The following UBR3 variants were observed in gnomAD, a reference collection of about 807,000 sequenced individuals.
UBR3 encodes E3 ubiquitin-protein ligase UBR3.
UBR3 carries 85 observed loss-of-function variants against 243.2 expected under a neutral mutation model. The observed-to-expected ratio is 0.35, with a 90% confidence interval of 0.29 to 0.42. The LOEUF is 0.42. Among genes scored for constraint, UBR3 ranks in the 10% least tolerant of loss-of-function variants. The pLI, the probability that UBR3 is intolerant of heterozygous loss-of-function variation, is 1.00. For synonymous variants in UBR3, 748 were observed against 799.8 expected (o/e 0.94, Z 1.09); for missense variants, 1,686 against 2,300.8 (o/e 0.73, Z 5.47).
intron 35 of UBR3, among the ~76,000 whole-genome samples, chr2:170,066,060 T>C (rs536516083): frequency 1.1e-4 from 17 of 152,300 alleles, no homozygotes; most frequent in Admixed American, 2.6e-4. Flanking sequence ...AATGGAATTT[T>C]TGAACATTAA....
At chr2:169,879,477 T>G (rs1263349788) in intron 5 of UBR3, among the ~76,000 whole-genome samples, 1 of 152,158 alleles carries the variant, frequency 6.6e-6, no homozygotes. Flanking sequence ...TTCAAGAATT[T>G]TCATCAGATT....
At chr2:169,867,843 C>T (rs182716465) in intron 1 of UBR3, among the ~76,000 whole-genome samples, 23 of 152,258 alleles carry the variant, frequency 1.5e-4, no homozygotes, top group African/African-American at 4.8e-4. Context: ...TTTTCCCTTT[C>T]GCAGAGTATT....
chr2:169,887,274 A>G (rs965880654), intron 5 of UBR3, among the ~76,000 whole-genome samples: 2 of 152,160 alleles, frequency 1.3e-5, no homozygotes, highest in Non-Finnish European at 2.9e-5. Context: ...AAGGTCTGAA[A>G]AGTTCCTGAG....
At chr2:169,870,133 A>G (rs549897563) in intron 1 of UBR3, among the ~76,000 whole-genome samples, 14 of 152,296 alleles carry the variant, frequency 9.2e-5, no homozygotes, top group Non-Finnish European at 1.8e-4. Flanking sequence ...TATATTTCGT[A>G]TATAGTATAA....
At chr2:169,897,790 C>G (rs2105328774) in intron 8 of UBR3, among the ~76,000 whole-genome samples, 1 of 152,238 alleles carries the variant, frequency 6.6e-6, no homozygotes, top group African/African-American at 2.4e-5. Flanking sequence ...TATGAGACAC[C>G]ACGCTTGGCC....
chr2:169,997,329 C>T (rs746396948), intron 26 of UBR3, among the ~76,000 whole-genome samples: 3 of 152,130 alleles, frequency 2.0e-5, no homozygotes, highest in Non-Finnish European at 2.9e-5. Context: ...GCTCCAAGCT[C>T]TTCCTGTGGT....
At chr2:170,065,713 T>G (rs2091550724) in intron 35 of UBR3, among the ~76,000 whole-genome samples, 2 of 152,190 alleles carry the variant, frequency 1.3e-5, no homozygotes, top group South Asian at 4.1e-4. Flanking sequence ...TTTACTGGCA[T>G]GTACAAATAC....
intron 1 of UBR3, among the ~76,000 whole-genome samples, chr2:169,853,000 ATTAAC>A (rs1304458814): frequency 3.3e-5 from 5 of 152,192 alleles, no homozygotes; most frequent in African/African-American, 1.2e-4. Flanking sequence ...AAATTAAATA[ATTAAC>A]TTGAGATTTC....
intron 23 of UBR3, among the ~76,000 whole-genome samples, chr2:169,956,411 A>G (rs1019184741): frequency 6.6e-6 from 1 of 151,772 alleles, no homozygotes; most frequent in Non-Finnish European, 1.5e-5. Flanking sequence ...GAGTCCTGAC[A>G]CTCTGTGCTA....
chr2:169,973,854 T>G (rs577175914), intron 24 of UBR3, among the ~76,000 whole-genome samples: 8 of 152,176 alleles, frequency 5.3e-5, no homozygotes, highest in Non-Finnish European at 1.0e-4. Flanking sequence ...CAGTCATCAT[T>G]GTGTTGACAT....
At chr2:169,829,938 T>G (rs1358840238) in intron 1 of UBR3, among the ~76,000 whole-genome samples, 15 of 152,108 alleles carry the variant, frequency 9.9e-5, no homozygotes. Flanking sequence ...CAAAGATGTT[T>G]CCTAGTTTTT....
At chr2:169,841,924 C>A (rs566456358) in intron 1 of UBR3, among the ~76,000 whole-genome samples, 1 of 152,238 alleles carries the variant, frequency 6.6e-6, no homozygotes, top group Admixed American at 6.5e-5. Context: ...TGCGAGCGCA[C>A]GGCACAGGAC....
rs770674966 is a variant in UBR3 at position 169,857,064 on chromosome 2, G to GTTTT, written c.546-15148_546-15145dup. On this transcript the variant is annotated intron_variant, in intron 1 of 38. Coordinates refer to ENST00000272793, the MANE Select transcript of UBR3 (RefSeq NM_172070.4). The stretch of plus-strand genomic sequence containing the variant: ...ATGATTTCCAGCATAATTTTATTAT[G>GTTTT]TTTTTTTTTTTTTTTTTTTTTTTTT... 2.9e-4 allele frequency among the ~76,000 whole-genome samples: 16 copies of GTTTT among 56,092 alleles called. 3 individuals are homozygous for GTTTT. The highest frequency in any genetic ancestry group is 7.3e-4 in the Admixed American group (3 of 4,088). 36.8% of individuals were successfully genotyped at this position (56,092 alleles called of 152,430 possible).
chr2:169,848,228 T>C (rs2082546908), intron 1 of UBR3, among the ~76,000 whole-genome samples: 1 of 152,210 alleles, frequency 6.6e-6, no homozygotes, highest in Admixed American at 6.6e-5. Flanking sequence ...TTGCTTTGGA[T>C]GAAGGGGTTA....
intron 2 of UBR3, among the ~76,000 whole-genome samples, chr2:169,875,438 C>T (rs1330086310): frequency 1.3e-5 from 2 of 152,154 alleles, no homozygotes; most frequent in African/African-American, 4.8e-5. Flanking sequence ...AAGCCATCCT[C>T]CTGCCTCAGA....
intron 1 of UBR3, among the ~76,000 whole-genome samples, chr2:169,836,338 G>C (rs2082113542): frequency 2.0e-5 from 3 of 151,486 alleles, no homozygotes; most frequent in Admixed American, 2.0e-4. Context: ...TCCCGCCTCA[G>C]CCTCCCAGAG....
chr2:169,963,450 C>T (rs761591225), intron 24 of UBR3, among the ~76,000 whole-genome samples: 2 of 152,102 alleles, frequency 1.3e-5, no homozygotes, highest in Non-Finnish European at 2.9e-5. Flanking sequence ...TTCTCTCCTA[C>T]CACTTCATCC....
intron 18 of UBR3, among the ~76,000 whole-genome samples, chr2:169,931,350 TAAAAAA>T (rs66951181): frequency 1.1e-5 from 1 of 87,568 alleles, no homozygotes; most frequent in Admixed American, 1.4e-4. Context: ...GAATCTGTCT[TAAAAAA>T]AAAAAAAAAA....
chr2:169,998,907 T>G (rs1376281204), intron 26 of UBR3, among the ~76,000 whole-genome samples: 7 of 152,210 alleles, frequency 4.6e-5, no homozygotes, highest in Admixed American at 4.6e-4. Flanking sequence ...TCCTCTCTTG[T>G]AAAAAGGGAT....
Sources: gnomAD v4.1 joint callset for allele counts (sites outside exome capture counted in the v4.1 genomes callset) on GRCh38, gnomAD v4.1.1 for gene constraint, MANE v1.5 for transcripts, NCBI Gene and HGNC (gene_info 2026-07-23, HGNC 2026-07-21) for gene names.